EPHA8: variants seen among roughly 807,000 people sequenced by gnomAD.
EPHA8 encodes the protein ephrin type-A receptor 8.
In EPHA8, 58 loss-of-function variants were observed where a neutral mutation model predicts 103.6. The observed-to-expected ratio is 0.56, with a 90% confidence interval of 0.45 to 0.70. The LOEUF (loss-of-function observed/expected upper bound fraction) is 0.70. EPHA8 is among the 30% of genes least tolerant of loss of function. The pLI, the probability that EPHA8 is intolerant of heterozygous loss-of-function variation, is 0.00. For missense variants in EPHA8, 1,304 were observed against 1,395.2 expected (o/e 0.93, Z 1.04); for synonymous variants, 559 against 572.5 (o/e 0.98, Z 0.34).
rs1251515661 is a variant in EPHA8, at chr1:22,567,503, C to T, written c.95-1786C>T. On this transcript the variant is annotated intron_variant, in intron 1 of 16. Coordinates refer to ENST00000166244, the MANE Select transcript of EPHA8 (RefSeq NM_020526.5). This position sits in a 1 kb window ranked among gnomAD's most constrained non-coding sequence, Gnocchi z 4.2. The stretch of plus-strand genomic sequence containing the variant: ...CCCTCTGCGGACATTCGCTGTGTCC[C>T]CTGATCCCAAGTGGCCCCTGGGGAC... 1.3e-5 allele frequency among the ~76,000 whole-genome samples: 2 copies of T among 152,062 alleles called. No homozygotes were observed. The highest frequency in any genetic ancestry group is 6.5e-5 in the Admixed American group (1 of 15,286).
Position 22,589,097 on chromosome 1 carries a change from G to A in EPHA8, c.1206G>A (p.Leu402=). ...LVQASLLVAN[L]LAHMNYSFWI... ...AGGCCAGCCTGCTGGTGGCCAACCT[G>A]CTGGCCCACATGAACTACTCCTTCT... Residue 402 remains leucine (L), a synonymous_variant, in exon 5 of 17, where the codon CTG becomes CTA. Coordinates refer to ENST00000166244, the MANE Select transcript of EPHA8 (RefSeq NM_020526.5). This position sits in a 1 kb window ranked among gnomAD's most constrained non-coding sequence, Gnocchi z 4.3. The A allele has an allele frequency of 6.2e-7, 1 of 1,613,680 alleles. No homozygotes were observed. The highest frequency in any genetic ancestry group is 8.5e-7 in the Non-Finnish European group (1 of 1,179,886).
Position 22,596,526 on chromosome 1 carries a change from C to T in EPHA8, c.1765+353C>T, listed in dbSNP as rs575248546. Among the ~76,000 whole-genome samples the T allele has an allele frequency of 8.5e-5, 13 of 152,322 alleles. No individual in the cohort carries two copies. The South Asian group carries it at 2.5e-3, about 29-fold the overall frequency. On this transcript the variant is annotated intron_variant, in intron 9 of 16. Transcript: ENST00000166244. ...GACAACAAGGCGAATCTGGAGATGC[C>T]TCCCTCCACACCCCACTCCTGTGCC...
In EPHA8 at chr1:22,601,918, G is replaced by T; in HGVS notation, c.*177G>T. Reference sequence around the variant, plus strand: ...GGAGTTATCAGGGGTCAGGCGCCTGGGAAGGGGCCTTTGGTGGCCACCCTG... The same window carrying T: ...GGAGTTATCAGGGGTCAGGCGCCTGTGAAGGGGCCTTTGGTGGCCACCCTG... On this transcript the variant is annotated 3_prime_UTR_variant, in exon 17 of 17. Coordinates refer to ENST00000166244, the MANE Select transcript of EPHA8 (RefSeq NM_020526.5). The T allele has an allele frequency of 1.5e-6, 1 of 679,184 alleles. No homozygotes were observed. The highest frequency in any genetic ancestry group is 2.4e-6 in the Non-Finnish European group (1 of 408,210). 42.1% of individuals were successfully genotyped at this position (679,184 alleles called of 1,614,324 possible).
rs761796633 is a variant in EPHA8, at chr1:22,595,324, G to T, written c.1697+1G>T. The T allele has an allele frequency of 6.2e-7, 1 of 1,612,250 alleles. No individual in the cohort carries two copies. The highest frequency in any genetic ancestry group is 8.5e-7 in the Non-Finnish European group (1 of 1,179,352). ...TGCTCCTGCTCATCTGCAAGAAGAG[G>T]TGGGTGGTCTGGCCCAGCCACACCC... On this transcript the variant is annotated splice_donor_variant, in intron 8 of 16. Coordinates refer to ENST00000166244, the MANE Select transcript of EPHA8 (RefSeq NM_020526.5). LOFTEE classifies it high-confidence loss of function.
At chr1:22,573,674 C>T (rs1452340357) in intron 2 of EPHA8, among the ~76,000 whole-genome samples, 1 of 152,228 alleles carries the variant, frequency 6.6e-6, no homozygotes, top group African/African-American at 2.4e-5. Flanking sequence ...CCCTCATCCT[C>T]CAGCTCCTCC....
At chr1:22,580,127 C>CT (rs764600240) in intron 3 of EPHA8, among the ~76,000 whole-genome samples, 1,303 of 97,350 alleles carry the variant, frequency 0.013, 22 homozygotes, top group African/African-American at 0.019. Flanking sequence ...CTTTCTTTCT[C>CT]TTTTTTTTTT....
rs1388373713 is a variant in EPHA8, at chr1:22,589,142, C to T, written c.1251C>T (p.Gly417=). 7.4e-6 allele frequency: 12 copies of T among 1,613,772 alleles called. No homozygotes were observed. The highest frequency in any genetic ancestry group is 5.3e-5 in the African/African-American group (4 of 74,950). ...CCTTCTGGATCGAGGCCGTCAATGG[C>T]GTGTCCGACCTGAGCCCCGAGCCCC... is the stretch of plus-strand genomic sequence containing the variant. The part of the protein sequence containing the change: ...NYSFWIEAVN[G]VSDLSPEPRR... The change falls in exon 5 of 17, where the codon GGC becomes GGT. Residue 417 remains glycine, a synonymous_variant. Transcript: ENST00000166244. This position sits in a 1 kb window ranked among gnomAD's most constrained non-coding sequence, Gnocchi z 4.3.
chr1:22,578,570 T>C (rs1340951570), intron 3 of EPHA8, among the ~76,000 whole-genome samples: 1 of 149,712 alleles, frequency 6.7e-6, no homozygotes, highest in Non-Finnish European at 1.5e-5. Context: ...TTTGTTAGTG[T>C]CTGCATGTGT....
At chr1:22,587,557 T>C (rs984252042) in intron 4 of EPHA8, among the ~76,000 whole-genome samples, 4 of 152,060 alleles carry the variant, frequency 2.6e-5, no homozygotes, top group African/African-American at 7.2e-5. Flanking sequence ...GCGCCTGGAT[T>C]CTCTCCTCTC....
chr1:22,585,658 G>C (rs369053766), intron 3 of EPHA8, among the ~76,000 whole-genome samples: 6 of 152,352 alleles, frequency 3.9e-5, no homozygotes, highest in South Asian at 4.1e-4. Flanking sequence ...GCAGCTGGGT[G>C]GGGGGAGGCA....
In EPHA8 at chr1:22,597,837, C is replaced by T. The variant is rs141165537; in HGVS notation, c.2092C>T (p.Arg698Cys). Residue 698 changes from arginine (R) to cysteine (C), a missense_variant, in exon 11 of 17, where the codon CGC becomes TGC. By Grantham distance (180) the Arg-to-Cys change is radical. Transcript: ENST00000166244. This position sits in a 1 kb window ranked among gnomAD's most constrained non-coding sequence, Gnocchi z 4.6. ...GCAATTCGACCATCCCAACATCATC[C>T]GCCTCGAGGGTGTCGTCACCCGTGG... is the stretch of plus-strand genomic sequence containing the variant. ...MGQFDHPNIIRLEGVVTRGRL... is the reference protein window; with the variant it reads ...MGQFDHPNIICLEGVVTRGRL... 4.2e-5 allele frequency: 68 copies of T among 1,611,572 alleles called. No homozygotes were observed. The highest frequency in any genetic ancestry group is 3.9e-4 in the African/African-American group (29 of 75,032).
At chr1:22,601,562 C>T in intron 16 of EPHA8, 65 bp from the exon 17 acceptor site, 1 of 1,592,252 alleles carries the variant, frequency 6.3e-7, no homozygotes, top group South Asian at 1.1e-5. Flanking sequence ...GATCCATGGC[C>T]CTGGCTGCGT....
At chr1:22,592,590 C>T (rs1463240888) in intron 5 of EPHA8, among the ~76,000 whole-genome samples, 1 of 152,224 alleles carries the variant, frequency 6.6e-6, no homozygotes, top group Non-Finnish European at 1.5e-5. Flanking sequence ...CCCCAGGGAG[C>T]TCCCGGTTGT....
At position 22,590,199 on chromosome 1, in the gene EPHA8, C is replaced by T. The variant is rs1296314171; in HGVS notation, c.1315+993C>T. ...CAGAGAGAGAGTGAGCTATGTGCCC[C>T]GTGGTAGAGCCCAGCCCTGGCCCAC... On this transcript the variant is annotated intron_variant, in intron 5 of 16. Coordinates refer to ENST00000166244, the MANE Select transcript of EPHA8 (RefSeq NM_020526.5). Among the ~76,000 whole-genome samples the T allele has an allele frequency of 4.6e-5, 7 of 152,116 alleles. No homozygotes were observed. The South Asian group carries it at 8.3e-4, about 18-fold the overall frequency.
At chr1:22,601,502 T>A in intron 16 of EPHA8, 29 bp downstream of exon 16, 4 of 1,593,088 alleles carry the variant, frequency 2.5e-6, no homozygotes, top group Non-Finnish European at 3.4e-6. Flanking sequence ...TGGGGCCCCA[T>A]GCGTGTGGGG....
chr1:22,576,993 A>G lies in EPHA8; in HGVS notation c.823+113A>G, dbSNP rs926776891. 8 of 1,241,364 alleles carry G rather than the reference A, an allele frequency of 6.4e-6. No homozygotes were observed. The African/African-American group carries it at 9.1e-5, about 14-fold the overall frequency. The allele number at this position is 1,241,364 out of a possible 1,614,324, so 76.9% of individuals were successfully genotyped here. On this transcript the variant is annotated intron_variant, in intron 3 of 16. Coordinates refer to ENST00000166244, the MANE Select transcript of EPHA8 (RefSeq NM_020526.5). This position sits in a 1 kb window ranked among gnomAD's most constrained non-coding sequence, Gnocchi z 4.8. The stretch of plus-strand genomic sequence containing the variant: ...GCCCACAGGCACCTGAGTGACCCAC[A>G]CAGCCCCTGGGAAGATGGATAAACC...
In EPHA8 at chr1:22,601,624, C is replaced by T. The variant is rs779972534; in HGVS notation, c.2904-3C>T. On this transcript the variant is annotated splice_polypyrimidine_tract_variant and splice_region_variant and intron_variant, in intron 16 of 16. Coordinates refer to ENST00000166244, the MANE Select transcript of EPHA8 (RefSeq NM_020526.5). ...GCTGGCCAGCAGCACCCTTCCTTCACAGGGACGTGCGCGCCCTGGGCATCA... is the reference window on the plus strand; with the variant it reads ...GCTGGCCAGCAGCACCCTTCCTTCATAGGGACGTGCGCGCCCTGGGCATCA... 1 of 1,589,468 alleles carries T rather than the reference C, an allele frequency of 6.3e-7. No homozygotes were observed. The highest frequency in any genetic ancestry group is 8.6e-7 in the Non-Finnish European group (1 of 1,168,180).
chr1:22,577,940 T>C (rs1429114815), intron 3 of EPHA8, among the ~76,000 whole-genome samples: 2 of 115,860 alleles, frequency 1.7e-5, no homozygotes, highest in African/African-American at 3.6e-5. Flanking sequence ...CGTGAGTGTA[T>C]GTGTGCGAGT....
intron 2 of EPHA8, among the ~76,000 whole-genome samples, chr1:22,570,851 C>T (rs1330537578): frequency 1.3e-5 from 2 of 152,272 alleles, no homozygotes; most frequent in African/African-American, 4.8e-5. Flanking sequence ...CATCAGTTCC[C>T]CACTCTGTAA....
Sources: gnomAD v4.1 joint callset for allele counts (sites outside exome capture counted in the v4.1 genomes callset) on GRCh38, gnomAD v4.1.1 for gene constraint, Gnocchi (gnomAD v3.1) non-coding constraint, MANE v1.5 for transcripts, NCBI Gene and HGNC (gene_info 2026-07-23, HGNC 2026-07-21) for gene names.